Variants in CCDC134 observed in about 807,000 individuals in gnomAD.
CCDC134 encodes coiled-coil domain containing 134.
Under a neutral mutation model 25.6 loss-of-function variants are expected in CCDC134, and 27 were observed. The observed-to-expected ratio is 1.05, with a 90% CI of 0.78 to 1.45. CCDC134 has a LOEUF of 1.45. Ranked by LOEUF, CCDC134 falls within the 40% of genes most tolerant of loss-of-function variation. CCDC134 has a pLI of 0.00. For missense variants in CCDC134, 261 were observed against 286.7 expected (o/e 0.91, Z 0.65); for synonymous variants, 110 against 115.0 (o/e 0.96, Z 0.28).
intron 6 of CCDC134, among the ~76,000 whole-genome samples, chr22:41,814,127 A>G (rs1416836227): frequency 1.3e-5 from 2 of 152,182 alleles, no homozygotes. Flanking sequence ...CAGGGTAGCT[A>G]GGGAGATCAG....
At position 41,825,496 on chromosome 22, in the gene CCDC134, C is replaced by T. The variant is rs561679829; in HGVS notation, c.565-202C>T. 2.0e-5 allele frequency among the ~76,000 whole-genome samples: 3 copies of T among 152,134 alleles called. No homozygotes were observed. Among genetic ancestry groups the T allele is most frequent in the Non-Finnish European group, 2.9e-5 (2 of 68,028 alleles). ...TCCACCTAGAATACCCTTCCCTTTC[C>T]TCATGCCGTTGGTTTGGCAAACTCC... On this transcript the variant is annotated intron_variant, in intron 6 of 6. Transcript: ENST00000255784. The surrounding 1 kb of genome is among the most constrained non-coding windows in gnomAD (Gnocchi z 4.4).
chr22:41,824,193 G>C (rs2076665257), intron 6 of CCDC134, among the ~76,000 whole-genome samples: 1 of 152,190 alleles, frequency 6.6e-6, no homozygotes, highest in Non-Finnish European at 1.5e-5. Context: ...CCCTCAGGGA[G>C]TCAGGGCAGG....
chr22:41,813,728 G>T, intron 5 of CCDC134, 23 bp from the exon 6 acceptor site: 1 of 1,609,866 alleles, frequency 6.2e-7, no homozygotes, highest in South Asian at 1.1e-5. Context: ...GGCAGATGAT[G>T]ACTAGTGTTT....
At position 41,810,015 on chromosome 22, in the gene CCDC134, G is replaced by C. The variant is rs146580834; in HGVS notation, c.225+15G>C. 2 of 1,613,736 alleles carry C rather than the reference G, an allele frequency of 1.2e-6. No homozygotes were observed. The highest frequency in any genetic ancestry group is 1.7e-5 in the Admixed American group (1 of 59,986). The stretch of plus-strand genomic sequence containing the variant: ...GGCTCTTTAAGGTGTGTGCAGGCAG[G>C]GGGCAGCTCATGGCAGGTCCAGTCT... On this transcript the variant is annotated intron_variant, in intron 3 of 6. Transcript: ENST00000255784.
rs753141912 is a variant in CCDC134, at chr22:41,813,402, C to T, written c.449C>T (p.Thr150Ile). ...TGGGGTATCAGTTTCTGCAACCAGA[C>T]AGGCGTCTTCAACCAGGGGCCCCAC... ...IRWGISFCNQ[T>I]GVFNQGPHSP... The change falls in exon 5 of 7, where the codon ACA becomes ATA. Residue 150 changes from threonine (T) to isoleucine (I), a missense_variant. Coordinates refer to ENST00000255784, the MANE Select transcript of CCDC134 (RefSeq NM_024821.5). 6.2e-7 allele frequency: 1 copy of T among 1,614,230 alleles called. No homozygotes were observed. Among genetic ancestry groups the T allele is most frequent in the Admixed American group, 1.7e-5 (1 of 60,024 alleles).
intron 1 of CCDC134, among the ~76,000 whole-genome samples, chr22:41,801,475 C>G (rs2076543452): frequency 6.6e-6 from 1 of 152,162 alleles, no homozygotes; most frequent in Non-Finnish European, 1.5e-5. Flanking sequence ...TAGAGCCAAA[C>G]AGACACTTGG....
rs1207276939 is a variant in CCDC134, at chr22:41,829,028, G to T, written c.*3205G>T. On this transcript the variant is annotated 3_prime_UTR_variant, in exon 7 of 7. Transcript: ENST00000255784. The stretch of plus-strand genomic sequence containing the variant: ...TAATCGTTGGGTGTGTGAGTGTGAA[G>T]AGGGCTGTCCTGTGTGTTGTAGGCT... Among the ~76,000 whole-genome samples the T allele has an allele frequency of 1.3e-5, 2 of 152,192 alleles. No individual in the cohort carries two copies. Among genetic ancestry groups the T allele is most frequent in the African/African-American group, 4.8e-5 (2 of 41,444 alleles).
rs1320889343 is a variant in CCDC134, at chr22:41,827,131, C to A, written c.*1308C>A. 1.3e-5 allele frequency among the ~76,000 whole-genome samples: 2 copies of A among 152,190 alleles called. No homozygotes were observed. The highest frequency in any genetic ancestry group is 2.4e-5 in the African/African-American group (1 of 41,434). ...GCTGCAGCAGCAAAGGGAAGCCAAG[C>A]CTTAGAGAAGCCTCATGGAAGGGCC... is the stretch of plus-strand genomic sequence containing the variant. On this transcript the variant is annotated 3_prime_UTR_variant, in exon 7 of 7. Coordinates refer to ENST00000255784, the MANE Select transcript of CCDC134 (RefSeq NM_024821.5).
rs2076705376 is a variant in CCDC134, at chr22:41,831,044, C to A, written c.*5221C>A. On this transcript the variant is annotated 3_prime_UTR_variant, in exon 7 of 7. Coordinates refer to ENST00000255784, the MANE Select transcript of CCDC134 (RefSeq NM_024821.5). ...GGGATTACAGGCATGCACCATCACG[C>A]CTGGCTAATTTTTGTATTTTTAGTA... Among the ~76,000 whole-genome samples the A allele has an allele frequency of 6.6e-6, 1 of 151,952 alleles. No homozygotes were observed. The highest frequency in any genetic ancestry group is 1.5e-5 in the Non-Finnish European group (1 of 67,988).
chr22:41,806,001 G>A (rs2076565708), intron 1 of CCDC134, among the ~76,000 whole-genome samples: 1 of 152,048 alleles, frequency 6.6e-6, no homozygotes, highest in Admixed American at 6.6e-5. Flanking sequence ...AGAGATTTCA[G>A]GAATTCATCA....
intron 2 of CCDC134, among the ~76,000 whole-genome samples, chr22:41,809,299 C>T (rs995102550): frequency 1.3e-5 from 2 of 152,144 alleles, no homozygotes; most frequent in East Asian, 3.8e-4. Context: ...CCCATCTGGA[C>T]CCTGGTGAAC....
chr22:41,807,378 T>A (rs559524972), intron 1 of CCDC134, among the ~76,000 whole-genome samples: 149 of 152,004 alleles, frequency 9.8e-4, no homozygotes, highest in Non-Finnish European at 1.5e-3. Context: ...GCCTGGGCAA[T>A]GTAGCAAAAC....
rs1184913072 is a variant in CCDC134, at chr22:41,829,990, C to T, written c.*4167C>T. Among the ~76,000 whole-genome samples the T allele has an allele frequency of 6.6e-6, 1 of 152,142 alleles. No homozygotes were observed. Among genetic ancestry groups the T allele is most frequent in the Non-Finnish European group, 1.5e-5 (1 of 68,006 alleles). The stretch of plus-strand genomic sequence containing the variant: ...GTTTCACCATATTGGCCAGGATGGT[C>T]TCGATCTCTTGACTTCGTGATCTGC... On this transcript the variant is annotated 3_prime_UTR_variant, in exon 7 of 7. Coordinates refer to ENST00000255784, the MANE Select transcript of CCDC134 (RefSeq NM_024821.5).
At chr22:41,816,626 G>A (rs890605330) in intron 6 of CCDC134, among the ~76,000 whole-genome samples, 1 of 152,204 alleles carries the variant, frequency 6.6e-6, no homozygotes, top group Non-Finnish European at 1.5e-5. Context: ...GGGATCTAAG[G>A]TATATCCTCC....
In CCDC134 at chr22:41,831,797, T is replaced by G. The variant is rs2076712861; in HGVS notation, c.*5974T>G. ...TTTATGTTTAATACGGGTGTGGGAT[T>G]TCTGATTTTTTTTTTTGCTAGACTG... On this transcript the variant is annotated 3_prime_UTR_variant, in exon 7 of 7. Transcript: ENST00000255784. 1 of 91,650 alleles carries G rather than the reference T, an allele frequency of 1.1e-5. No homozygotes were observed. Among genetic ancestry groups the G allele is most frequent in the Non-Finnish European group, 2.1e-5 (1 of 48,266 alleles). The allele number at this position is 91,650 out of a possible 1,614,324, so 5.7% of individuals were successfully genotyped here.
At chr22:41,813,072 A>G (rs1158957333) in intron 4 of CCDC134, among the ~76,000 whole-genome samples, 192 bp from the exon 5 acceptor site, 1 of 152,148 alleles carries the variant, frequency 6.6e-6, no homozygotes, top group East Asian at 1.9e-4. Flanking sequence ...GGTTATGAGG[A>G]CTCAGTGAGC....
At chr22:41,814,051 G>T (rs1365467436) in intron 6 of CCDC134, among the ~76,000 whole-genome samples, 2 of 152,206 alleles carry the variant, frequency 1.3e-5, no homozygotes, top group Admixed American at 6.5e-5. Context: ...AGTTATGGGG[G>T]GTAGTTAGGA....
chr22:41,814,456 A>G (rs753787123), intron 6 of CCDC134, among the ~76,000 whole-genome samples: 1 of 152,120 alleles, frequency 6.6e-6, no homozygotes, highest in African/African-American at 2.4e-5. Flanking sequence ...AATCCTAGCT[A>G]TTCAGGAGAC....
chr22:41,809,622 A>G (rs148804826), intron 2 of CCDC134, among the ~76,000 whole-genome samples: 15 of 152,326 alleles, frequency 9.8e-5, no homozygotes, highest in African/African-American at 2.9e-4. Context: ...CAGGAAGACC[A>G]CAGCAAAGGG....
Sources: gnomAD v4.1 joint callset for allele counts (sites outside exome capture counted in the v4.1 genomes callset) on GRCh38, gnomAD v4.1.1 for gene constraint, Gnocchi (gnomAD v3.1) non-coding constraint, MANE v1.5 for transcripts, NCBI Gene and HGNC (gene_info 2026-07-23, HGNC 2026-07-21) for gene names.